The following C10orf90 variants were observed in gnomAD, a reference collection of about 807,000 sequenced individuals.
C10orf90 encodes chromosome 10 open reading frame 90.
Under a neutral mutation model 62.5 loss-of-function variants are expected in C10orf90, and 56 were observed. The observed-to-expected ratio is 0.90, with a 90% confidence interval of 0.72 to 1.12. C10orf90 has a LOEUF of 1.12. Among genes scored for constraint, C10orf90 ranks in the 50% most tolerant of loss-of-function variants. The pLI, the probability that C10orf90 is intolerant of heterozygous loss-of-function variation, is 0.00. For missense variants in C10orf90, 970 were observed against 880.4 expected (o/e 1.10, Z -1.29); for synonymous variants, 386 against 340.4 (o/e 1.13, Z -1.47).
intron 1 of C10orf90, among the ~76,000 whole-genome samples, chr10:126,669,298 G>A (rs1236661608): frequency 6.6e-6 from 1 of 152,212 alleles, no homozygotes; most frequent in Non-Finnish European, 1.5e-5. Context: ...GGAACTGGAA[G>A]AAGCCAGCCT....
intron 4 of C10orf90, among the ~76,000 whole-genome samples, chr10:126,478,071 T>G (rs1475450801): frequency 6.6e-6 from 1 of 152,208 alleles, no homozygotes; most frequent in Admixed American, 6.5e-5. Context: ...GCATTGGAAC[T>G]AACTTGGAAT....
At chr10:126,437,035 T>C (rs985434849) in intron 7 of C10orf90, among the ~76,000 whole-genome samples, 1 of 152,154 alleles carries the variant, frequency 6.6e-6, no homozygotes, top group Non-Finnish European at 1.5e-5. Context: ...GTTTCCCCAG[T>C]GTTCCTCTCT....
intron 8 of C10orf90, among the ~76,000 whole-genome samples, chr10:126,427,980 T>C (rs1857358140): frequency 6.6e-6 from 1 of 152,188 alleles, no homozygotes. Flanking sequence ...CCCACCTCTG[T>C]TACTTCTGAT....
At chr10:126,426,143 C>T (rs1857251228) in intron 8 of C10orf90, 53 bp from the exon 9 acceptor site, 1 of 1,406,914 alleles carries the variant, frequency 7.1e-7, no homozygotes, top group East Asian at 2.3e-5. Context: ...CGTGCTCCCG[C>T]TGTGGGGCTG....
chr10:126,427,680 A>G (rs1309372673), intron 8 of C10orf90, among the ~76,000 whole-genome samples: 1 of 152,176 alleles, frequency 6.6e-6, no homozygotes, highest in Admixed American at 6.5e-5. Flanking sequence ...ATCAGACTCC[A>G]GATTCTTCGG....
intron 2 of C10orf90, among the ~76,000 whole-genome samples, chr10:126,568,748 C>G (rs1445950164): frequency 6.6e-6 from 1 of 152,122 alleles, no homozygotes; most frequent in Admixed American, 6.5e-5. Flanking sequence ...TTAGGAGGCT[C>G]AGAGTGGGGA....
At position 126,585,706 on chromosome 10, in the gene C10orf90, AT is replaced by A. The variant is rs1243316419; in HGVS notation, c.313+60858del. ...AGCATTCCACTGGACAAAGGAAAGG[AT>A]TTATGAATTGAAGACCAAATTGGAA... On this transcript the variant is annotated intron_variant, in intron 2 of 9. Coordinates refer to ENST00000488181, the MANE Select transcript of C10orf90 (RefSeq NM_001350921.2). Among the ~76,000 whole-genome samples the A allele has an allele frequency of 2.6e-5, 4 of 152,274 alleles. No individual in the cohort carries two copies. In the East Asian group the frequency reaches 7.7e-4, roughly 29 times the overall value.
In C10orf90 at chr10:126,429,744, T is replaced by G. The variant is rs1857463921; in HGVS notation, c.2252+43A>C. ...ACCTGAAGCCATCAAACCACCCTAC[T>G]CCCCCCACCAACTTCTTTGCACACC... On this transcript the variant is annotated intron_variant, in intron 8 of 9. Transcript: ENST00000488181. The G allele has an allele frequency of 1.9e-6, 3 of 1,571,864 alleles. No individual in the cohort carries two copies. In the Admixed American group the frequency reaches 5.0e-5, roughly 26 times the overall value.
chr10:126,564,091 C>T (rs138255389), intron 2 of C10orf90, among the ~76,000 whole-genome samples: 123 of 152,224 alleles, frequency 8.1e-4, no homozygotes, highest in African/African-American at 2.9e-3. Context: ...GCAAATGGCT[C>T]CCACTCGCTA....
intron 2 of C10orf90, among the ~76,000 whole-genome samples, chr10:126,563,443 G>T (rs114909640): frequency 6.6e-6 from 1 of 152,186 alleles, no homozygotes; most frequent in African/African-American, 2.4e-5. Flanking sequence ...TGGTCACTGG[G>T]TGTGCAGCGT....
At chr10:126,667,048 T>G (rs1205828833) in intron 1 of C10orf90, among the ~76,000 whole-genome samples, 8 of 151,602 alleles carry the variant, frequency 5.3e-5, no homozygotes, top group East Asian at 3.9e-4. Flanking sequence ...CCCAATTTTT[T>G]TTTGTTTGTT....
At chr10:126,501,594 C>T (rs1267881364) in intron 4 of C10orf90, among the ~76,000 whole-genome samples, 1 of 152,102 alleles carries the variant, frequency 6.6e-6, no homozygotes, top group Non-Finnish European at 1.5e-5. Flanking sequence ...CCCAATCTAC[C>T]CCCTGCTCTA....
rs753687372 is a variant in C10orf90, at chr10:126,513,933, C to T, written c.320G>A (p.Arg107Gln). Reference sequence around the variant, plus strand: ...ATCTCTTCTACTGTGGTAGCTGTCCCGTAATCCTAGGCAAAAGAAGATAAT... The same window carrying T: ...ATCTCTTCTACTGTGGTAGCTGTCCTGTAATCCTAGGCAAAAGAAGATAAT... ...RNESLSNAGL[R>Q]DSYHSRRDQI... The change falls in exon 3 of 10, where the codon CGG (arginine) becomes CAG (glutamine). Residue 107 changes from arginine to glutamine, a missense_variant. Physicochemically the swap from Arg to Gln is conservative, Grantham distance 43. Transcript: ENST00000488181. The T allele has an allele frequency of 9.3e-6, 15 of 1,610,528 alleles. No homozygotes were observed. Among genetic ancestry groups the T allele is most frequent in the African/African-American group, 2.7e-5 (2 of 74,894 alleles).
At chr10:126,640,639 G>A (rs1846041258) in intron 2 of C10orf90, among the ~76,000 whole-genome samples, 1 of 152,194 alleles carries the variant, frequency 6.6e-6, no homozygotes, top group Admixed American at 6.5e-5. Flanking sequence ...GGTGGGGTGG[G>A]GCAGGTTGAA....
intron 2 of C10orf90, among the ~76,000 whole-genome samples, chr10:126,624,450 T>A (rs757110983): frequency 3.9e-5 from 6 of 152,120 alleles, no homozygotes; most frequent in Non-Finnish European, 8.8e-5. Flanking sequence ...CACTTTGCAT[T>A]TGAAGTTCTC....
At chr10:126,650,175 C>T (rs550344237) in intron 1 of C10orf90, among the ~76,000 whole-genome samples, 45 of 152,250 alleles carry the variant, frequency 3.0e-4, no homozygotes, top group Admixed American at 6.5e-4. Flanking sequence ...TTTACTACTC[C>T]GAGGGAGAGC....
At chr10:126,468,079 CT>C (rs553157307) in intron 4 of C10orf90, among the ~76,000 whole-genome samples, 6,753 of 142,538 alleles carry the variant, frequency 0.047, 156 homozygotes, top group African/African-American at 0.076. Context: ...ACAAAGCTAG[CT>C]TTTTTTTTTT....
Position 126,504,454 on chromosome 10 carries a change from C to A in C10orf90, c.1037G>T (p.Ser346Ile). 6.2e-7 allele frequency: 1 copy of A among 1,614,218 alleles called. No homozygotes were observed. Among genetic ancestry groups the A allele is most frequent in the South Asian group, 1.1e-5 (1 of 91,082 alleles). Residue 346 changes from serine to isoleucine, a missense_variant, in exon 4 of 10, where the codon AGT becomes ATT. By Grantham distance (142) the Ser-to-Ile change is moderately radical. Transcript: ENST00000488181. This position sits in a 1 kb window ranked among gnomAD's most constrained non-coding sequence, Gnocchi z 4.1. ...PLSGKSPLVF[S>I]SCVHLRVSQQ... ...AGACACCCTGAGGTGGACACAGGAA[C>A]TGAACACCAGCGGGCTCTTTCCTGA...
At chr10:126,464,232 T>A (rs1354767627) in intron 5 of C10orf90, among the ~76,000 whole-genome samples, 1 of 152,300 alleles carries the variant, frequency 6.6e-6, no homozygotes, top group Non-Finnish European at 1.5e-5. Flanking sequence ...TGGGACCTAC[T>A]TTTTGGGCAC....
Sources: allele counts gnomAD v4.1 joint callset (sites outside exome capture counted in the v4.1 genomes callset), GRCh38; gene constraint gnomAD v4.1.1; non-coding constraint Gnocchi (gnomAD v3.1); transcripts MANE v1.5; gene names NCBI Gene and HGNC (gene_info 2026-07-23, HGNC 2026-07-21).